Variants in CSMD1 observed in about 807,000 individuals in gnomAD.
CSMD1 encodes the protein CUB and sushi domain-containing protein 1.
A neutral mutation model predicts 417.5 loss-of-function variants in CSMD1; 213 were observed. The observed-to-expected ratio is 0.51, with a 90% confidence interval of 0.46 to 0.57. CSMD1 has a LOEUF of 0.57. CSMD1 is among the 20% of genes least tolerant of loss of function. The probability of loss-of-function intolerance (pLI) is 0.00; values close to 1 mark genes in which losing one functional copy is unlikely to be tolerated. For synonymous variants in CSMD1, 2,862 were observed against 1,736.8 expected, an observed-to-expected ratio of 1.65 and a Z score of -16.11; for missense variants, 6,923 against 4,529.7, an observed-to-expected ratio of 1.53 and a Z score of -15.17.
chr8:3,297,275 G>C (rs73171126), intron 25 of CSMD1, among the ~76,000 whole-genome samples: 2 of 152,076 alleles, frequency 1.3e-5, no homozygotes, highest in African/African-American at 4.8e-5. Context: ...GATGTCATGG[G>C]ATATCAATAA....
At chr8:3,538,644 T>C (rs956511629) in intron 10 of CSMD1, among the ~76,000 whole-genome samples, 1 of 152,252 alleles carries the variant, frequency 6.6e-6, no homozygotes, top group African/African-American at 2.4e-5. Context: ...AGAGCTTTCC[T>C]CTTTTTGTTG....
intron 10 of CSMD1, among the ~76,000 whole-genome samples, chr8:3,527,016 C>A (rs1057496594): frequency 2.0e-5 from 3 of 152,024 alleles, no homozygotes; most frequent in African/African-American, 7.2e-5. Flanking sequence ...CCTCTCCCTA[C>A]TCAGAATGTG....
chr8:3,970,188 A>C (rs954099284), intron 5 of CSMD1, among the ~76,000 whole-genome samples: 1 of 142,286 alleles, frequency 7.0e-6, no homozygotes, highest in Non-Finnish European at 1.6e-5. Context: ...CCTCTTGAAC[A>C]AGGGACTTTC....
chr8:4,382,445 T>C (rs1033835311), intron 3 of CSMD1, among the ~76,000 whole-genome samples: 1 of 152,214 alleles, frequency 6.6e-6, no homozygotes, highest in Non-Finnish European at 1.5e-5. Context: ...TAGTCTGGCC[T>C]TGTTACTTTA....
intron 6 of CSMD1, among the ~76,000 whole-genome samples, chr8:3,729,762 A>G (rs559077501): frequency 6.6e-6 from 1 of 152,090 alleles, no homozygotes; most frequent in African/African-American, 2.4e-5. Context: ...CCACAAAGAC[A>G]TAATTATTTC....
intron 3 of CSMD1, among the ~76,000 whole-genome samples, chr8:4,192,605 G>C (rs934124492): frequency 6.6e-6 from 1 of 152,180 alleles, no homozygotes; most frequent in Non-Finnish European, 1.5e-5. Flanking sequence ...CCTATAATGA[G>C]AACAGGTTGG....
chr8:4,190,440 C>G (rs1253494310), intron 3 of CSMD1, among the ~76,000 whole-genome samples: 1 of 151,828 alleles, frequency 6.6e-6, no homozygotes, highest in Non-Finnish European at 1.5e-5. Flanking sequence ...ATGTGAATTG[C>G]TTAGAATAAT....
At chr8:3,134,791 T>C (rs768991743) in intron 41 of CSMD1, among the ~76,000 whole-genome samples, 12 of 152,288 alleles carry the variant, frequency 7.9e-5, no homozygotes, top group Non-Finnish European at 1.3e-4. Flanking sequence ...GCTGTGCACA[T>C]TTTCACAATT....
chr8:3,538,373 A>T (rs1177467438), intron 10 of CSMD1, among the ~76,000 whole-genome samples: 1 of 151,970 alleles, frequency 6.6e-6, no homozygotes, highest in Non-Finnish European at 1.5e-5. Flanking sequence ...TGCACCTGGG[A>T]TTCCACACCT....
chr8:3,617,879 C>T (rs1330406144), intron 7 of CSMD1, among the ~76,000 whole-genome samples: 2 of 152,126 alleles, frequency 1.3e-5, no homozygotes, highest in South Asian at 2.1e-4. Flanking sequence ...TATAAATATA[C>T]ATTTTCTCAC....
At chr8:4,201,486 C>A (rs959719547) in intron 3 of CSMD1, among the ~76,000 whole-genome samples, 1 of 124,728 alleles carries the variant, frequency 8.0e-6, no homozygotes, top group Non-Finnish European at 1.6e-5. Context: ...TGCAGTGAGC[C>A]GACATAGCGC....
At chr8:3,429,758 C>A (rs768396368) in intron 12 of CSMD1, among the ~76,000 whole-genome samples, 2 of 152,070 alleles carry the variant, frequency 1.3e-5, no homozygotes, top group Non-Finnish European at 2.9e-5. Context: ...GAAATAAAGT[C>A]TATGGTTGTT....
At chr8:4,176,693 T>A (rs1199943159) in intron 3 of CSMD1, among the ~76,000 whole-genome samples, 3 of 150,796 alleles carry the variant, frequency 2.0e-5, no homozygotes, top group African/African-American at 7.3e-5. Flanking sequence ...CCATCTCACG[T>A]GCAGAGACAC....
chr8:4,950,830 G>A (rs1808694941), intron 1 of CSMD1, among the ~76,000 whole-genome samples: 1 of 151,988 alleles, frequency 6.6e-6, no homozygotes, highest in East Asian at 1.9e-4. Flanking sequence ...ACCATTAGGA[G>A]CACCACTCAA....
chr8:4,068,501 A>G (rs578066449), intron 3 of CSMD1, among the ~76,000 whole-genome samples: 10 of 152,344 alleles, frequency 6.6e-5, no homozygotes, highest in Admixed American at 4.6e-4. Flanking sequence ...TACAGAAACA[A>G]AACAGGTTTA....
chr8:3,514,257 G>C (rs1257835981), intron 10 of CSMD1, among the ~76,000 whole-genome samples: 1 of 152,106 alleles, frequency 6.6e-6, no homozygotes, highest in African/African-American at 2.4e-5. Flanking sequence ...CATTTTCTCA[G>C]GAAGCCATTA....
At chr8:4,886,878 G>A (rs527900796) in intron 1 of CSMD1, among the ~76,000 whole-genome samples, 1 of 151,856 alleles carries the variant, frequency 6.6e-6, no homozygotes, top group Non-Finnish European at 1.5e-5. Context: ...GCTTTAATTG[G>A]AAAGTCTATT....
At chr8:4,876,564 G>T (rs145348146) in intron 1 of CSMD1, among the ~76,000 whole-genome samples, 35 of 152,138 alleles carry the variant, frequency 2.3e-4, no homozygotes, top group African/African-American at 7.7e-4. Context: ...AATTTTCACC[G>T]TACAAGGATG....
chr8:3,848,302 CCA>C (rs1803651835), intron 5 of CSMD1, among the ~76,000 whole-genome samples: 1 of 152,060 alleles, frequency 6.6e-6, no homozygotes, highest in African/African-American at 2.4e-5. Flanking sequence ...TACTGCGATC[CCA>C]CTAACAACAG....
Sources: gnomAD v4.1 joint callset for allele counts (sites outside exome capture counted in the v4.1 genomes callset) on GRCh38, gnomAD v4.1.1 for gene constraint, MANE v1.5 for transcripts, NCBI Gene and HGNC (gene_info 2026-07-23, HGNC 2026-07-21) for gene names.